Variants in GLT1D1 observed in about 807,000 individuals in gnomAD.
GLT1D1 encodes glycosyltransferase 1 domain containing 1.
In GLT1D1, 21 loss-of-function variants were observed where a neutral mutation model predicts 28.7. That is an observed-to-expected ratio of 0.73 (90% CI 0.52 to 1.05). The LOEUF is 1.05. GLT1D1 is among the 50% of genes least tolerant of loss of function. GLT1D1 has a pLI of 0.00. For synonymous variants in GLT1D1, 147 were observed against 124.8 expected (o/e 1.18, Z -1.19); for missense variants, 343 against 330.6 (o/e 1.04, Z -0.29).
At position 128,945,059 on chromosome 12, in the gene GLT1D1, C is replaced by T. The variant is rs965365415; in HGVS notation, c.376-267C>T. On this transcript the variant is annotated intron_variant, in intron 4 of 7. Transcript: ENST00000281703. ...AGAACATGTAACAGGCCAATTTCTG[C>T]GCCCCGCAGCATGTTGTCCCGGAGC... is the stretch of plus-strand genomic sequence containing the variant. 97 of 648,348 alleles carry T rather than the reference C, an allele frequency of 1.5e-4. 1 individual carries two copies. The highest frequency in any genetic ancestry group is 3.4e-4 in the Middle Eastern group (1 of 2,910). The allele number at this position is 648,348 out of a possible 1,614,324, so 40.2% of individuals were successfully genotyped here. A position where few individuals can be genotyped will look rare whatever the true frequency, so the allele number is the denominator to read the frequency against.
intron 4 of GLT1D1, among the ~76,000 whole-genome samples, chr12:128,934,550 G>C (rs1874339113): frequency 6.6e-6 from 1 of 152,106 alleles, no homozygotes; most frequent in South Asian, 2.1e-4. Context: ...TTTCCCTCTT[G>C]TCCATTTCTC....
chr12:128,949,363 C>A (rs11614169), intron 6 of GLT1D1, among the ~76,000 whole-genome samples: 6 of 152,150 alleles, frequency 3.9e-5, no homozygotes, highest in South Asian at 2.1e-4. Context: ...TCCAAAATAA[C>A]CTTTGGGCGA....
In GLT1D1 at chr12:128,880,106, G is replaced by A. The variant is rs140459766; in HGVS notation, c.217+4044G>A. On this transcript the variant is annotated intron_variant, in intron 2 of 7. Coordinates refer to ENST00000281703, the MANE Select transcript of GLT1D1 (RefSeq NM_144669.3). ...CAGTGACAAAATGCTATATGGAAAG[G>A]TTATTCCAGTTCGTATTCTACTAAC... Among the ~76,000 whole-genome samples, 482 of 152,302 alleles carry A rather than the reference G, an allele frequency of 3.2e-3. 1 individual carries two copies. The highest frequency in any genetic ancestry group is 4.4e-3 in the Non-Finnish European group (302 of 68,018).
At position 128,934,591 on chromosome 12, in the gene GLT1D1, A is replaced by G. The variant is rs1874347702; in HGVS notation, c.376-10735A>G. 2.6e-5 allele frequency among the ~76,000 whole-genome samples: 4 copies of G among 152,160 alleles called. No homozygotes were observed. In the South Asian group the frequency reaches 8.3e-4, roughly 31 times the overall value. ...GAAGCCCTAGTTCGCAGGAGGTCCC[A>G]ATGAAGAAACCACACCAGCTCAGTC... On this transcript the variant is annotated intron_variant, in intron 4 of 7. Transcript: ENST00000281703.
intron 4 of GLT1D1, among the ~76,000 whole-genome samples, chr12:128,932,634 C>T (rs1288902082): frequency 2.0e-5 from 3 of 152,194 alleles, no homozygotes; most frequent in Non-Finnish European, 4.4e-5. Context: ...AGGTCATGAG[C>T]GCCAGGTCTG....
chr12:128,926,264 A>C, intron 4 of GLT1D1, 95 bp from the exon 7 acceptor site: 8 of 421,854 alleles, frequency 1.9e-5, no homozygotes, highest in Non-Finnish European at 1.7e-5. Flanking sequence ...CCTCGAAGTC[A>C]GAGGCCTCCA....
At chr12:128,959,205 C>T (rs557481773) in intron 7 of GLT1D1, among the ~76,000 whole-genome samples, 11 of 151,456 alleles carry the variant, frequency 7.3e-5, no homozygotes, top group South Asian at 4.2e-4. Context: ...TATGATATTC[C>T]AAAATCCAGA....
In GLT1D1 at chr12:128,899,551, T is replaced by G. The variant is rs60243683; in HGVS notation, c.375+264T>G. On this transcript the variant is annotated intron_variant, in intron 4 of 7. Coordinates refer to ENST00000281703, the MANE Select transcript of GLT1D1 (RefSeq NM_144669.3). Reference sequence around the variant, plus strand: ...GTTGTTGTTGTTTTGTTGCTGTTTTTTTTTTTTTTTTTTTTTGAGACGGAG... The same window carrying G: ...GTTGTTGTTGTTTTGTTGCTGTTTTGTTTTTTTTTTTTTTTTGAGACGGAG... Among the ~76,000 whole-genome samples, 194 of 147,050 alleles carry G rather than the reference T, an allele frequency of 1.3e-3. 7 individuals carry two copies. The highest frequency in any genetic ancestry group is 1.5e-3 in the Non-Finnish European group (100 of 66,534).
chr12:128,938,342 G>A (rs1199586177), intron 4 of GLT1D1, among the ~76,000 whole-genome samples: 1 of 152,178 alleles, frequency 6.6e-6, no homozygotes, highest in African/African-American at 2.4e-5. Flanking sequence ...ATTGTGTATG[G>A]CTATAATTTT....
chr12:128,949,133 T>C (rs1876432556), intron 6 of GLT1D1, among the ~76,000 whole-genome samples: 1 of 152,246 alleles, frequency 6.6e-6, no homozygotes, highest in African/African-American at 2.4e-5. Context: ...ATGGTACCAG[T>C]ATTTGAACTA....
At chr12:128,906,008 C>CT (rs77388310) in intron 4 of GLT1D1, among the ~76,000 whole-genome samples, 205 of 145,970 alleles carry the variant, frequency 1.4e-3, no homozygotes, top group Middle Eastern at 3.5e-3. Context: ...GAAATTTTGA[C>CT]TTTTTTTTTT....
At chr12:128,908,585 G>A (rs1296855387) in intron 4 of GLT1D1, among the ~76,000 whole-genome samples, 1 of 150,022 alleles carries the variant, frequency 6.7e-6, no homozygotes, top group South Asian at 2.1e-4. Flanking sequence ...AAGACTGGCA[G>A]CTCAGCTAGG....
chr12:128,911,968 C>A (rs761443315), intron 4 of GLT1D1, among the ~76,000 whole-genome samples: 1 of 152,022 alleles, frequency 6.6e-6, no homozygotes, highest in Non-Finnish European at 1.5e-5. Context: ...TCCTCCTGCT[C>A]CTTTCTTCTT....
At position 128,970,990 on chromosome 12, in the gene GLT1D1, C is replaced by T. The variant is rs950257367; in HGVS notation, c.640-11939C>T. ...TACAAGGCGCAACCCTTCCAGAGGG[C>T]GTGTTTTTTTATTTTCATCTGATAG... is the stretch of plus-strand genomic sequence containing the variant. On this transcript the variant is annotated intron_variant, in intron 7 of 7. Coordinates refer to ENST00000281703, the MANE Select transcript of GLT1D1 (RefSeq NM_144669.3). Among the ~76,000 whole-genome samples the T allele has an allele frequency of 2.6e-5, 4 of 152,306 alleles. No homozygotes were observed. The East Asian group carries it at 7.7e-4, about 29-fold the overall frequency.
intron 4 of GLT1D1, among the ~76,000 whole-genome samples, chr12:128,935,538 C>CAAAAAAA (rs35895301): frequency 6.0e-5 from 5 of 83,036 alleles, no homozygotes; most frequent in African/African-American, 2.3e-4. Flanking sequence ...GACTCTGTCT[C>CAAAAAAA]AAAAAAAAAA....
chr12:128,967,217 G>A (rs1483595607), intron 7 of GLT1D1, among the ~76,000 whole-genome samples: 6 of 152,206 alleles, frequency 3.9e-5, no homozygotes, highest in African/African-American at 1.4e-4. Context: ...CTGGGCTCTG[G>A]CCATAGTGTT....
At chr12:128,861,548 G>C (rs916985798) in intron 1 of GLT1D1, among the ~76,000 whole-genome samples, 3 of 152,198 alleles carry the variant, frequency 2.0e-5, no homozygotes, top group African/African-American at 7.2e-5. Flanking sequence ...GTTCAGTCCA[G>C]CCAGGAGTGT....
intron 4 of GLT1D1, chr12:128,930,491 A>G (rs1158267453): frequency 1.3e-5 from 2 of 152,274 alleles, no homozygotes; most frequent in African/African-American, 4.8e-5. Context: ...TGGCATGCAG[A>G]TATGAAAAAC....
intron 7 of GLT1D1, among the ~76,000 whole-genome samples, chr12:128,977,747 T>C (rs1021821159): frequency 2.0e-5 from 3 of 151,410 alleles, no homozygotes; most frequent in African/African-American, 7.3e-5. Flanking sequence ...CCCTCTATAA[T>C]GCCTTGTGAG....
Sources: allele counts gnomAD v4.1 joint callset (sites outside exome capture counted in the v4.1 genomes callset), GRCh38; gene constraint gnomAD v4.1.1; transcripts MANE v1.5; gene names NCBI Gene and HGNC (gene_info 2026-07-23, HGNC 2026-07-21).